CPS1: variants seen among roughly 807,000 people sequenced by gnomAD.
CPS1 encodes the protein carbamoyl-phosphate synthase 1.
CPS1 carries 109 observed loss-of-function variants against 174.6 expected under a neutral mutation model. The observed-to-expected ratio is 0.62, with a 90% CI of 0.53 to 0.73. The LOEUF (loss-of-function observed/expected upper bound fraction) is 0.73. Ranked by LOEUF, CPS1 falls within the 30% of genes least tolerant of loss-of-function variation. The pLI is 0.00. For missense variants in CPS1, 1,689 were observed against 1,821.9 expected (o/e 0.93, Z 1.33); for synonymous variants, 637 against 632.0 (o/e 1.01, Z -0.12).
At chr2:210,597,837 CACACACAAACAT>C (rs1332025100) in intron 13 of CPS1, among the ~76,000 whole-genome samples, 2 of 148,178 alleles carry the variant, frequency 1.3e-5, no homozygotes, top group Non-Finnish European at 3.0e-5. Context: ...TATATACACA[CACACACAAACAT>C]ACACACACAC....
At chr2:210,574,115 C>G (rs1697607869) in intron 2 of CPS1, among the ~76,000 whole-genome samples, 1 of 151,998 alleles carries the variant, frequency 6.6e-6, no homozygotes, top group South Asian at 2.1e-4. Flanking sequence ...AGTCTCAATT[C>G]TAAGGATAAC....
intron 1 of CPS1, among the ~76,000 whole-genome samples, chr2:210,538,745 A>C (rs1426305544): frequency 6.6e-6 from 1 of 152,144 alleles, no homozygotes; most frequent in Non-Finnish European, 1.5e-5. Context: ...GAAAATAAAT[A>C]TTATATATTA....
At chr2:210,639,327 T>G in intron 23 of CPS1, 112 bp downstream of exon 23, 1 of 912,196 alleles carries the variant, frequency 1.1e-6, no homozygotes. Flanking sequence ...AAAAAAGGCA[T>G]CATGGCCGGG....
Position 210,654,081 on chromosome 2 carries a change from C to T in CPS1, c.3537C>T (p.Asp1179=), listed in dbSNP as rs199676680. ...FVEGAREVEM[D]AVGKDGRVIS... is the part of the protein sequence containing the mutation. ...AAGGGGCCCGAGAAGTAGAAATGGA[C>T]GCTGTTGGCAAAGATGGAAGGGTAA... is the stretch of plus-strand genomic sequence containing the variant. The change falls in exon 29 of 38, where the codon GAC becomes GAT. Residue 1179 remains aspartate, a synonymous_variant. Coordinates refer to ENST00000233072, the MANE Select transcript of CPS1 (RefSeq NM_001875.5). The T allele has an allele frequency of 8.3e-5, 134 of 1,613,918 alleles. 2 individuals carry two copies. The East Asian group carries it at 1.7e-3, about 20-fold the overall frequency.
Position 210,574,747 on chromosome 2 carries a change from C to T in CPS1, c.236+1340C>T, listed in dbSNP as rs1697628862. On this transcript the variant is annotated intron_variant, in intron 2 of 37. Transcript: ENST00000233072. ...CTGATGGATTAATTTGCTCCCAACACTGTAGTTCTCTAAAACAAAGTATAT... is the reference window on the plus strand; with the variant it reads ...CTGATGGATTAATTTGCTCCCAACATTGTAGTTCTCTAAAACAAAGTATAT... 3.3e-5 allele frequency among the ~76,000 whole-genome samples: 5 copies of T among 152,016 alleles called. No homozygotes were observed. The South Asian group carries it at 1.0e-3, about 32-fold the overall frequency.
At chr2:210,559,966 TTAG>T (rs1395006656) in intron 1 of CPS1, among the ~76,000 whole-genome samples, 2 of 152,110 alleles carry the variant, frequency 1.3e-5, no homozygotes, top group African/African-American at 4.8e-5. Context: ...GTAGAAGGAC[TTAG>T]TAGAGGGTTA....
intron 18 of CPS1, 21 bp from the exon 19 acceptor site, chr2:210,608,340 A>G: frequency 6.2e-7 from 1 of 1,608,194 alleles, no homozygotes; most frequent in African/African-American, 1.3e-5. Context: ...AAAAAAAAAT[A>G]AATTTGTCTT....
At position 210,600,540 on chromosome 2, in the gene CPS1, T is replaced by C. The variant is rs1698683116; in HGVS notation, c.1550-15T>C. 3 of 1,611,318 alleles carry C rather than the reference T, an allele frequency of 1.9e-6. No homozygotes were observed. Among genetic ancestry groups the C allele is most frequent in the Non-Finnish European group, 2.5e-6 (3 of 1,178,320 alleles). ...TCAAGATTTTAAAAACTAATCCTATTTGGTTCTTCTTTAGGAGTGGAACTA... is the reference window on the plus strand; with the variant it reads ...TCAAGATTTTAAAAACTAATCCTATCTGGTTCTTCTTTAGGAGTGGAACTA... On this transcript the variant is annotated splice_polypyrimidine_tract_variant and intron_variant, in intron 14 of 37. Transcript: ENST00000233072.
intron 7 of CPS1, 25 bp downstream of exon 7, chr2:210,588,172 G>A (rs1698168792): frequency 3.1e-6 from 5 of 1,594,402 alleles, no homozygotes; most frequent in Admixed American, 1.7e-5. Context: ...CATTTCAAAG[G>A]TGAGGGTTTG....
At chr2:210,510,250 C>T (rs1362184761) in intron 1 of CPS1, among the ~76,000 whole-genome samples, 2 of 152,116 alleles carry the variant, frequency 1.3e-5, no homozygotes, top group Non-Finnish European at 2.9e-5. Context: ...TGATCTTTGA[C>T]AAACCTGACA....
At chr2:210,643,056 T>C (rs73984676) in intron 25 of CPS1, among the ~76,000 whole-genome samples, 1 of 152,144 alleles carries the variant, frequency 6.6e-6, no homozygotes, top group African/African-American at 2.4e-5. Flanking sequence ...TTCTAGTTTG[T>C]GTGATGTGGT....
In CPS1 at chr2:210,600,431, T is replaced by A. The variant is rs933337809; in HGVS notation, c.1550-124T>A. The A allele has an allele frequency of 3.3e-6, 3 of 897,062 alleles. No homozygotes were observed. The African/African-American group carries it at 5.1e-5, about 15-fold the overall frequency. 55.6% of individuals were successfully genotyped at this position (897,062 alleles called of 1,614,324 possible). A position where few individuals can be genotyped will look rare whatever the true frequency, so the allele number is the denominator to read the frequency against. On this transcript the variant is annotated intron_variant, in intron 14 of 37. Transcript: ENST00000233072. ...TTCAATTTTTTTCCCTAAGTGCAAT[T>A]CTATTGTAGACAGTGGTAACTTCTC...
rs1695566281 is a variant in CPS1, at chr2:210,513,036, AT to A, written c.3+35271del. Among the ~76,000 whole-genome samples the A allele has an allele frequency of 2.1e-5, 2 of 96,520 alleles. 1 individual carries two copies. The highest frequency in any genetic ancestry group is 4.4e-5 in the Non-Finnish European group (2 of 45,118). The allele number at this position is 96,520 out of a possible 152,430, so 63.3% of individuals were successfully genotyped here. A position where few individuals can be genotyped will look rare whatever the true frequency, so the allele number is the denominator to read the frequency against. On this transcript the variant is annotated intron_variant, in intron 1 of 38. Transcript: ENST00000430249. ...TATCTATATATCTATATATTTATAT[AT>A]ATATGGAGATATATATATATGGAGA...
chr2:210,544,307 A>G (rs1696508061), intron 1 of CPS1, among the ~76,000 whole-genome samples: 1 of 152,082 alleles, frequency 6.6e-6, no homozygotes, highest in African/African-American at 2.4e-5. Flanking sequence ...CACACAGCTC[A>G]TTTGATGAGG....
rs1372638958 is a variant in CPS1 at position 210,610,911 on chromosome 2, G to T, written c.2392-1206G>T. On this transcript the variant is annotated intron_variant, in intron 19 of 37. Transcript: ENST00000233072. ...CTTAAGAATAATAAAAATATATGGA[G>T]AGTTACTTATAGAACTAATTTCAGA... Among the ~76,000 whole-genome samples the T allele has an allele frequency of 2.0e-5, 3 of 151,432 alleles. No homozygotes were observed. In the South Asian group the frequency reaches 6.3e-4, roughly 32 times the overall value.
chr2:210,576,475 G>A lies in CPS1; in HGVS notation c.366G>A (p.Glu122=). The part of the protein sequence containing the change: ...LDELGLSKYL[E]SNGIKVSGLL... ...AACTGGGACTTAGCAAATATTTGGAGTCTAATGGAATCAAGGTAGTACCAG... is the reference window on the plus strand; with the variant it reads ...AACTGGGACTTAGCAAATATTTGGAATCTAATGGAATCAAGGTAGTACCAG... Residue 122 remains glutamate (E), a synonymous_variant, in exon 3 of 38, where the codon GAG becomes GAA. Transcript: ENST00000233072. 1 of 1,613,574 alleles carries A rather than the reference G, an allele frequency of 6.2e-7. No homozygotes were observed. Among genetic ancestry groups the A allele is most frequent in the Non-Finnish European group, 8.5e-7 (1 of 1,179,594 alleles).
intron 21 of CPS1, among the ~76,000 whole-genome samples, chr2:210,635,134 G>A (rs1237166984): frequency 6.6e-6 from 1 of 151,932 alleles, no homozygotes; most frequent in Non-Finnish European, 1.5e-5. Context: ...TTGTAGAGAC[G>A]GGGTTTCACC....
In CPS1 at chr2:210,679,022, G is replaced by C. The variant is rs1701623599; in HGVS notation, c.*1037G>C. 1 of 152,110 alleles carries C rather than the reference G, an allele frequency of 6.6e-6. No individual in the cohort carries two copies. The highest frequency in any genetic ancestry group is 2.4e-5 in the African/African-American group (1 of 41,410). 9.4% of individuals were successfully genotyped at this position (152,110 alleles called of 1,614,324 possible). A position where few individuals can be genotyped will look rare whatever the true frequency, so the allele number is the denominator to read the frequency against. On this transcript the variant is annotated 3_prime_UTR_variant, in exon 38 of 38. Transcript: ENST00000233072. ...ATATAAGAAAAAAGTCTCTCCCCAAGGGCAGCCTTTGTTACTTTTAAATAT... is the reference window on the plus strand; with the variant it reads ...ATATAAGAAAAAAGTCTCTCCCCAACGGCAGCCTTTGTTACTTTTAAATAT...
At chr2:210,656,689 T>A in intron 30 of CPS1, 57 bp downstream of exon 30, 89 of 1,072,758 alleles carry the variant, frequency 8.3e-5, no homozygotes, top group Non-Finnish European at 1.2e-4. Context: ...AAAAAACACC[T>A]AAGGTTTTTT....
Sources: allele counts gnomAD v4.1 joint callset (sites outside exome capture counted in the v4.1 genomes callset), GRCh38; gene constraint gnomAD v4.1.1; transcripts MANE v1.5; gene names NCBI Gene and HGNC (gene_info 2026-07-23, HGNC 2026-07-21).